The following TRAF3 variants were observed in gnomAD, a reference collection of about 807,000 sequenced individuals.
TRAF3 encodes TNF receptor-associated factor 3.
A neutral mutation model predicts 62.3 loss-of-function variants in TRAF3; 13 were observed. The ratio of observed to expected loss-of-function variants is 0.21; its 90% CI spans 0.14 to 0.33. TRAF3 has a LOEUF of 0.33. TRAF3 is among the 10% of genes least tolerant of loss of function. The pLI, the probability that TRAF3 is intolerant of heterozygous loss-of-function variation, is 1.00. For missense variants in TRAF3, 440 were observed against 741.8 expected (o/e 0.59, Z 4.73); for synonymous variants, 269 against 283.4 (o/e 0.95, Z 0.51).
chr14:102,817,573 G>T (rs1899611237), intron 1 of TRAF3, among the ~76,000 whole-genome samples: 1 of 152,154 alleles, frequency 6.6e-6, no homozygotes, highest in African/African-American at 2.4e-5. Flanking sequence ...CTTCCTTTCA[G>T]CAGTGGGAGG....
At chr14:102,895,258 C>T (rs1187329141) in intron 9 of TRAF3, 10 of 330,872 alleles carry the variant, frequency 3.0e-5, no homozygotes, top group South Asian at 9.9e-5. Context: ...AAAGCCTTTG[C>T]GGAGTAAAAT....
intron 6 of TRAF3, among the ~76,000 whole-genome samples, chr14:102,882,920 A>G (rs1282018149): frequency 1.3e-5 from 2 of 152,240 alleles, no homozygotes; most frequent in Non-Finnish European, 2.9e-5. Context: ...TAATCTAGAA[A>G]TTCTGGACCA....
intron 6 of TRAF3, among the ~76,000 whole-genome samples, chr14:102,878,620 G>A (rs1253252445): frequency 6.6e-6 from 1 of 152,166 alleles, no homozygotes; most frequent in East Asian, 1.9e-4. Flanking sequence ...GTGTAACATC[G>A]GGTAGTGATC....
intron 6 of TRAF3, among the ~76,000 whole-genome samples, chr14:102,881,196 C>A (rs1259966329): frequency 6.6e-6 from 1 of 152,028 alleles, no homozygotes. Context: ...CCAGCCTGGC[C>A]AACATGGTAA....
At chr14:102,819,259 C>A (rs1450292385) in intron 1 of TRAF3, among the ~76,000 whole-genome samples, 1 of 152,054 alleles carries the variant, frequency 6.6e-6, no homozygotes, top group African/African-American at 2.4e-5. Context: ...CCCTGTTACT[C>A]CTCAGGGGCT....
Position 102,884,251 on chromosome 14 carries a change from G to A in TRAF3, c.571-1938G>A, listed in dbSNP as rs188341882. ...CTCTGCCCTCCATGTTCACGTGGCCGTCTTCCTAGTGCATGTCCTCACCTC... is the reference window on the plus strand; with the variant it reads ...CTCTGCCCTCCATGTTCACGTGGCCATCTTCCTAGTGCATGTCCTCACCTC... On this transcript the variant is annotated intron_variant, in intron 6 of 11. Transcript: ENST00000392745. Among the ~76,000 whole-genome samples the A allele has an allele frequency of 5.8e-3, 881 of 152,270 alleles. 9 individuals are homozygous for A. The highest frequency in any genetic ancestry group is 0.01 in the Admixed American group (160 of 15,292).
chr14:102,840,775 C>A (rs972545052), intron 2 of TRAF3, among the ~76,000 whole-genome samples: 1 of 152,148 alleles, frequency 6.6e-6, no homozygotes, highest in Non-Finnish European at 1.5e-5. Flanking sequence ...TGACTTCTAT[C>A]TTAAACAACT....
chr14:102,824,018 TG>T (rs1208526524), intron 1 of TRAF3, among the ~76,000 whole-genome samples: 1 of 152,252 alleles, frequency 6.6e-6, no homozygotes, highest in African/African-American at 2.4e-5. Context: ...GATAGACGTT[TG>T]GGTTGTTTCT....
intron 2 of TRAF3, among the ~76,000 whole-genome samples, chr14:102,858,770 G>A (rs1281773260): frequency 6.6e-6 from 1 of 152,014 alleles, no homozygotes; most frequent in Non-Finnish European, 1.5e-5. Flanking sequence ...TATAAATACA[G>A]GTCAAAGAAA....
intron 2 of TRAF3, among the ~76,000 whole-genome samples, chr14:102,834,772 G>A (rs1885887974): frequency 6.7e-6 from 1 of 150,144 alleles, no homozygotes; most frequent in African/African-American, 2.5e-5. Flanking sequence ...AGACTGAAAT[G>A]TAAAACCCAA....
chr14:102,826,567 G>A lies in TRAF3; in HGVS notation c.-156-3767G>A, dbSNP rs1330647718. Among the ~76,000 whole-genome samples, 1 of 152,198 alleles carries A rather than the reference G, an allele frequency of 6.6e-6. No individual in the cohort carries two copies. Among genetic ancestry groups the A allele is most frequent in the African/African-American group, 2.4e-5 (1 of 41,452 alleles). On this transcript the variant is annotated intron_variant, in intron 1 of 11. Coordinates refer to ENST00000392745, the MANE Select transcript of TRAF3 (RefSeq NM_145725.3). The surrounding 1 kb of genome is among the most constrained non-coding windows in gnomAD (Gnocchi z 4.6). ...CCTGAGATGTGAAGTAGGTTAGGTA[G>A]CCAGAGACAAGGCAAAGAAGGGCCA... is the stretch of plus-strand genomic sequence containing the variant.
chr14:102,850,728 G>A (rs1886988151), intron 2 of TRAF3, among the ~76,000 whole-genome samples: 1 of 148,442 alleles, frequency 6.7e-6, no homozygotes, highest in Non-Finnish European at 1.5e-5. Flanking sequence ...AGCGCTCAGA[G>A]TGCCAGATGC....
At chr14:102,800,294 A>G (rs1285648514) in intron 1 of TRAF3, among the ~76,000 whole-genome samples, 1 of 152,222 alleles carries the variant, frequency 6.6e-6, no homozygotes, top group Non-Finnish European at 1.5e-5. Flanking sequence ...GCAGTTTCCC[A>G]GGCCCTGCCT....
intron 2 of TRAF3, among the ~76,000 whole-genome samples, chr14:102,835,897 A>G (rs1471801954): frequency 6.6e-6 from 1 of 152,162 alleles, no homozygotes; most frequent in Non-Finnish European, 1.5e-5. Flanking sequence ...TGTACTTCTG[A>G]ACCTAAAATA....
At chr14:102,792,148 C>T (rs1204813311) in intron 1 of TRAF3, among the ~76,000 whole-genome samples, 1 of 123,132 alleles carries the variant, frequency 8.1e-6, no homozygotes, top group Non-Finnish European at 1.7e-5. Context: ...TTTATCAGAC[C>T]AGGTCTCACT....
intron 1 of TRAF3, among the ~76,000 whole-genome samples, chr14:102,782,769 A>G (rs926858361): frequency 6.6e-6 from 1 of 152,150 alleles, no homozygotes; most frequent in African/African-American, 2.4e-5. Context: ...CTACCAAGAA[A>G]GATATGGCGA....
intron 1 of TRAF3, among the ~76,000 whole-genome samples, chr14:102,778,926 T>C (rs1006986186): frequency 1.3e-5 from 2 of 152,220 alleles, no homozygotes; most frequent in South Asian, 2.1e-4. Flanking sequence ...GGCAAAATAG[T>C]GTACAGCGTT....
At chr14:102,890,453 T>C (rs1309790516) in intron 8 of TRAF3, among the ~76,000 whole-genome samples, 1 of 152,232 alleles carries the variant, frequency 6.6e-6, no homozygotes, top group Non-Finnish European at 1.5e-5. Flanking sequence ...CTTCCTTTGC[T>C]TTAGTCTCTA....
chr14:102,858,345 G>T (rs987993922), intron 2 of TRAF3, among the ~76,000 whole-genome samples: 6 of 152,100 alleles, frequency 3.9e-5, no homozygotes, highest in Admixed American at 3.9e-4. Flanking sequence ...TAGAGACGGG[G>T]TTTCACCACA....
Sources: allele counts gnomAD v4.1 joint callset (sites outside exome capture counted in the v4.1 genomes callset), GRCh38; gene constraint gnomAD v4.1.1; non-coding constraint Gnocchi (gnomAD v3.1); transcripts MANE v1.5; gene names NCBI Gene and HGNC (gene_info 2026-07-23, HGNC 2026-07-21).